ZNF140: variants seen among roughly 807,000 people sequenced by gnomAD.
ZNF140 encodes the protein zinc finger protein 140 (clone pHZ-39).
ZNF140 carries 13 observed loss-of-function variants against 12.9 expected under a neutral mutation model. The ratio of observed to expected loss-of-function variants is 1.01; its 90% CI spans 0.66 to 1.60. The LOEUF (loss-of-function observed/expected upper bound fraction) is 1.60, where lower values mean the gene tolerates loss of function less well. Among genes scored for constraint, ZNF140 ranks in the 40% most tolerant of loss-of-function variants. ZNF140 has a pLI of 0.00. For missense variants in ZNF140, 531 were observed against 548.8 expected (o/e 0.97, Z 0.32); for synonymous variants, 214 against 186.7 (o/e 1.15, Z -1.19).
intron 3 of ZNF140, 95 bp downstream of exon 3, chr12:133,083,324 G>A: frequency 1.3e-6 from 2 of 1,513,178 alleles, no homozygotes; most frequent in South Asian, 2.6e-5. Context: ...GAGGTATGGG[G>A]TTTCTTAAAA....
intron 4 of ZNF140, 72 bp from the exon 5 acceptor site, chr12:133,105,438 G>C: frequency 7.0e-7 from 1 of 1,426,642 alleles, no homozygotes; most frequent in South Asian, 1.5e-5. Context: ...TGTTGCTAAA[G>C]AAGGGAGAAA....
chr12:133,080,503 A>G (rs1954429091), upstream of ZNF140: 1 of 151,978 alleles, frequency 6.6e-6, no homozygotes, highest in South Asian at 2.1e-4. Context: ...TTTCTCCGCT[A>G]GTTGTGCGCT....
chr12:133,088,480 T>G (rs1021411393), intron 4 of ZNF140, among the ~76,000 whole-genome samples: 1 of 152,262 alleles, frequency 6.6e-6, no homozygotes, highest in African/African-American at 2.4e-5. Flanking sequence ...ATTGTCTGCA[T>G]GTACTGCAGT....
intron 4 of ZNF140, among the ~76,000 whole-genome samples, chr12:133,101,575 G>A (rs1056822474): frequency 7.2e-5 from 11 of 152,170 alleles, no homozygotes; most frequent in Non-Finnish European, 1.5e-4. Context: ...CTCCCGAGTA[G>A]CTGGGACTAC....
intron 4 of ZNF140, among the ~76,000 whole-genome samples, chr12:133,100,726 T>C (rs368593948): frequency 0.016 from 2,423 of 152,326 alleles, 52 homozygotes; most frequent in African/African-American, 0.055. Flanking sequence ...AGCATCACTA[T>C]TCTTGTGCTT....
intron 4 of ZNF140, among the ~76,000 whole-genome samples, chr12:133,091,003 T>C (rs1954853739): frequency 6.7e-6 from 1 of 148,996 alleles, no homozygotes; most frequent in Non-Finnish European, 1.5e-5. Context: ...AATCGGGTTT[T>C]ATACCGAGAC....
At chr12:133,095,984 T>C (rs1174278922) in intron 4 of ZNF140, among the ~76,000 whole-genome samples, 1 of 151,256 alleles carries the variant, frequency 6.6e-6, no homozygotes, top group African/African-American at 2.4e-5. Flanking sequence ...GACAGTGGCC[T>C]TCCTCTATCT....
At chr12:133,083,043 T>C in intron 2 of ZNF140, 60 bp from the exon 3 acceptor site, 1 of 1,612,430 alleles carries the variant, frequency 6.2e-7, no homozygotes, top group South Asian at 1.1e-5. Context: ...ATTTTATTCC[T>C]TGATGAGGGA....
intron 4 of ZNF140, among the ~76,000 whole-genome samples, chr12:133,100,351 T>G (rs1053144445): frequency 1.3e-5 from 2 of 151,934 alleles, no homozygotes; most frequent in African/African-American, 4.8e-5. Flanking sequence ...AAAATTTTTT[T>G]AGAGATGGGT....
intron 4 of ZNF140, among the ~76,000 whole-genome samples, chr12:133,098,686 T>G (rs1167168520): frequency 6.6e-6 from 1 of 152,182 alleles, no homozygotes; most frequent in African/African-American, 2.4e-5. Flanking sequence ...ATGTAAGCTA[T>G]AATCATAAAA....
rs768960666 is a variant in ZNF140, at chr12:133,106,667, A to G, written c.*16A>G. 1.1e-5 allele frequency: 17 copies of G among 1,541,076 alleles called. No individual in the cohort carries two copies. Among genetic ancestry groups the G allele is most frequent in the Admixed American group, 2.1e-5 (1 of 47,324 alleles). ...ACACCAGTGAATTTACACTGCAAAG[A>G]AAAACTATGAATGTATGGAATTTTT... On this transcript the variant is annotated 3_prime_UTR_variant, in exon 5 of 5. Coordinates refer to ENST00000355557, the MANE Select transcript of ZNF140 (RefSeq NM_003440.4).
At chr12:133,103,445 T>G (rs11613461) in intron 4 of ZNF140, among the ~76,000 whole-genome samples, 27,247 of 142,382 alleles carry the variant, frequency 0.19, 3,077 homozygotes, top group Non-Finnish European at 0.26. Context: ...TTTTTTTTTT[T>G]GGGTAAAGAC....
Position 133,100,237 on chromosome 12 carries a change from AGCTCACTGCAGCCTCGAGCTCCTGG to A in ZNF140, c.233-5269_233-5245del, listed in dbSNP as rs1278901874. ...GGCTGGAGTGCAGTGGTGTTATCAT[AGCTCACTGCAGCCTCGAGCTCCTGG>A]GCTTAAGCGATCCTTTCACCTCAAC... On this transcript the variant is annotated intron_variant, in intron 4 of 4. Coordinates refer to ENST00000355557, the MANE Select transcript of ZNF140 (RefSeq NM_003440.4). Among the ~76,000 whole-genome samples the A allele has an allele frequency of 2.4e-5, 3 of 125,188 alleles. No individual in the cohort carries two copies. The East Asian group carries it at 6.9e-4, about 29-fold the overall frequency. The allele number at this position is 125,188 out of a possible 152,430, so 82.1% of individuals were successfully genotyped here.
chr12:133,088,145 AAAAG>A (rs1250555559), intron 4 of ZNF140, among the ~76,000 whole-genome samples: 38 of 151,890 alleles, frequency 2.5e-4, no homozygotes, highest in Admixed American at 7.9e-4. Context: ...AAAAGAAAGA[AAAAG>A]GAAGGAAGAA....
chr12:133,091,173 C>G (rs377004404), intron 4 of ZNF140, among the ~76,000 whole-genome samples: 2 of 149,332 alleles, frequency 1.3e-5, no homozygotes, highest in Non-Finnish European at 3.0e-5. Flanking sequence ...ATTTCAGACT[C>G]TCACATTGGG....
chr12:133,090,580 G>A (rs1027461712), intron 4 of ZNF140, among the ~76,000 whole-genome samples: 14 of 152,052 alleles, frequency 9.2e-5, no homozygotes, highest in South Asian at 2.1e-4. Context: ...ATTTCTAGTC[G>A]GGTGGGACAA....
rs765762134 is a variant in ZNF140 at position 133,106,044 on chromosome 12, G to T, written c.767G>T (p.Arg256Leu). 1.5e-5 allele frequency: 24 copies of T among 1,614,072 alleles called. No homozygotes were observed. Among genetic ancestry groups the T allele is most frequent in the Non-Finnish European group, 2.0e-5 (24 of 1,180,012 alleles). The change falls in exon 5 of 5, where the codon CGT (arginine) becomes CTT (leucine). Residue 256 changes from arginine (R) to leucine (L), a missense_variant. Physicochemically the swap from Arg to Leu is moderately radical, Grantham distance 102. Coordinates refer to ENST00000355557, the MANE Select transcript of ZNF140 (RefSeq NM_003440.4). ...ECTECGKAFS[R>L]ASNLTRHQRI... The stretch of plus-strand genomic sequence containing the variant: ...ACTGAGTGTGGAAAGGCCTTTAGCC[G>T]TGCCTCCAACCTCACTCGACATCAA...
intron 4 of ZNF140, chr12:133,100,967 C>T (rs1378121030): frequency 2.2e-6 from 1 of 453,488 alleles, no homozygotes; most frequent in Non-Finnish European, 4.4e-6. Flanking sequence ...CTATTTAATA[C>T]TTTTAAATAT....
At position 133,105,647 on chromosome 12, in the gene ZNF140, A is replaced by G; in HGVS notation, c.370A>G (p.Lys124Glu). 2 of 1,614,214 alleles carry G rather than the reference A, an allele frequency of 1.2e-6. No homozygotes were observed. Among genetic ancestry groups the G allele is most frequent in the South Asian group, 2.2e-5 (2 of 91,086 alleles). The change falls in exon 5 of 5, where the codon AAG becomes GAG. Residue 124 changes from lysine to glutamate, a missense_variant. By Grantham distance (56) the Lys-to-Glu change is moderately conservative. Transcript: ENST00000355557. Reference sequence around the variant, plus strand: ...CAGTTTTAAAGGAGGCTGGAAATGCAAGGATCATACTGAGATGCTGCAAGA... The same window carrying G: ...CAGTTTTAAAGGAGGCTGGAAATGCGAGGATCATACTGAGATGCTGCAAGA... ...YSSFKGGWKC[K>E]DHTEMLQENQ...
Sources: gnomAD v4.1 joint callset for allele counts (sites outside exome capture counted in the v4.1 genomes callset) on GRCh38, gnomAD v4.1.1 for gene constraint, MANE v1.5 for transcripts, NCBI Gene and HGNC (gene_info 2026-07-23, HGNC 2026-07-21) for gene names.